The following C7 variants were observed in gnomAD, a reference collection of about 807,000 sequenced individuals.
C7 encodes complement C7.
Under a neutral mutation model 104.8 loss-of-function variants are expected in C7, and 83 were observed. The ratio of observed to expected loss-of-function variants is 0.79; its 90% CI spans 0.66 to 0.95. C7 has a LOEUF of 0.95. Among genes scored for constraint, C7 ranks in the 40% least tolerant of loss-of-function variants. The pLI is 0.00. For synonymous variants in C7, 415 were observed against 360.6 expected, an observed-to-expected ratio of 1.15 and a Z score of -1.71; for missense variants, 1,070 against 1,011.2, an observed-to-expected ratio of 1.06 and a Z score of -0.79.
intron 6 of C7, among the ~76,000 whole-genome samples, chr5:40,941,126 T>C (rs1350535889): frequency 1.3e-5 from 2 of 151,026 alleles, no homozygotes; most frequent in Non-Finnish European, 3.0e-5. Context: ...TGCAGTCGTG[T>C]GATCTCGGCT....
chr5:40,972,468 A>G lies in C7; in HGVS notation c.1948A>G (p.Thr650Ala), dbSNP rs1740721165. The G allele has an allele frequency of 6.2e-7, 1 of 1,613,794 alleles. No individual in the cohort carries two copies. The change falls in exon 15 of 18, where the codon ACA (threonine) becomes GCA (alanine). Residue 650 changes from threonine (T) to alanine (A), a missense_variant. Physicochemically the swap from Thr to Ala is moderately conservative, Grantham distance 58. Coordinates refer to ENST00000313164, the MANE Select transcript of C7 (RefSeq NM_000587.4). The stretch of plus-strand genomic sequence containing the variant: ...GAGTCACCCCCAAAAACCTTTCTAC[A>G]CAGTTGGTGAGAAGGTGACTGTTTC... Reference protein sequence around the residue: ...IQSHPQKPFYTVGEKVTVSCS... With the variant: ...IQSHPQKPFYAVGEKVTVSCS...
intron 3 of C7, among the ~76,000 whole-genome samples, chr5:40,933,953 T>TC (rs1005885179): frequency 3.3e-5 from 5 of 151,520 alleles, no homozygotes; most frequent in Non-Finnish European, 1.5e-5. Context: ...TTTTTTTTTT[T>TC]GAGACGGTGT....
intron 6 of C7, among the ~76,000 whole-genome samples, chr5:40,944,794 G>A (rs929614908): frequency 4.6e-5 from 7 of 152,166 alleles, no homozygotes; most frequent in African/African-American, 1.7e-4. Flanking sequence ...GTCCAAAAGA[G>A]CTAATTGTTT....
intron 1 of C7, among the ~76,000 whole-genome samples, chr5:40,923,814 A>G (rs929708182): frequency 2.0e-5 from 3 of 151,834 alleles, no homozygotes; most frequent in African/African-American, 7.3e-5. Context: ...TCTTAATGAG[A>G]CTCACTATTG....
rs549535402 is a variant in C7 at position 40,961,860 on chromosome 5, C to T, written c.1662-225C>T. On this transcript the variant is annotated intron_variant, in intron 12 of 17. Coordinates refer to ENST00000313164, the MANE Select transcript of C7 (RefSeq NM_000587.4). ...TCTGTTTGTTTTTCATACTACTGAC[C>T]TAGCAGCTATTTAAATCACTGTCTT... is the stretch of plus-strand genomic sequence containing the variant. Among the ~76,000 whole-genome samples the T allele has an allele frequency of 7.2e-5, 11 of 152,170 alleles. No individual in the cohort carries two copies. In the East Asian group the frequency reaches 1.7e-3, roughly 24 times the overall value.
chr5:40,909,573 T>C lies in C7; in HGVS notation c.-38T>C. 1 of 1,551,360 alleles carries C rather than the reference T, an allele frequency of 6.4e-7. No homozygotes were observed. Among genetic ancestry groups the C allele is most frequent in the Non-Finnish European group, 8.8e-7 (1 of 1,135,004 alleles). On this transcript the variant is annotated 5_prime_UTR_variant, in exon 1 of 18. Transcript: ENST00000313164. ...ACTTACCCGGCCCTTACAGAGGAAA[T>C]CTTCCTCCTCTCTTCTGCCCTGAAT... is the stretch of plus-strand genomic sequence containing the variant.
intron 6 of C7, among the ~76,000 whole-genome samples, chr5:40,944,690 C>T (rs960625889): frequency 4.6e-5 from 7 of 151,972 alleles, no homozygotes; most frequent in African/African-American, 1.7e-4. Context: ...TTCTATCTAG[C>T]AAAGAAAAAA....
At chr5:40,937,842 A>C (rs1200799475) in intron 6 of C7, among the ~76,000 whole-genome samples, 152 bp downstream of exon 6, 1 of 152,184 alleles carries the variant, frequency 6.6e-6, no homozygotes, top group African/African-American at 2.4e-5. Flanking sequence ...AAGTATACAC[A>C]GTGTTTTTGC....
intron 11 of C7, among the ~76,000 whole-genome samples, chr5:40,959,015 G>A (rs1284787161): frequency 6.6e-6 from 1 of 152,116 alleles, no homozygotes; most frequent in African/African-American, 2.4e-5. Context: ...CAAGTGGCCT[G>A]TTCTGGTAAT....
In C7 at chr5:40,949,996, G is replaced by A. The variant is rs371469026; in HGVS notation, c.1075G>A (p.Ala359Thr). 4.9e-5 allele frequency: 78 copies of A among 1,587,866 alleles called. No individual in the cohort carries two copies. The highest frequency in any genetic ancestry group is 2.0e-4 in the African/African-American group (15 of 74,318). Residue 359 changes from alanine (A) to threonine (T), a missense_variant, in exon 9 of 18, where the codon GCT (alanine) becomes ACT (threonine). Transcript: ENST00000313164. ...TCATGGATGCAAGGAACTGGAAAAC[G>A]CTTTAAAAGCTGCTTCAGGTAAATG... ...SSHGCKELEN[A>T]LKAASGTQNN... is the part of the protein sequence containing the mutation.
intron 15 of C7, 73 bp downstream of exon 15, chr5:40,972,667 G>T (rs34641824): frequency 8.2e-7 from 1 of 1,224,870 alleles, no homozygotes; most frequent in Non-Finnish European, 1.2e-6. Context: ...GACCTTCATG[G>T]TACTGTATCA....
chr5:40,979,868 A>C lies in C7; in HGVS notation c.2309A>C (p.Glu770Ala), dbSNP rs370729134. 144 of 1,606,394 alleles carry C rather than the reference A, an allele frequency of 9.0e-5. No homozygotes were observed. The African/African-American group carries it at 1.7e-3, about 19-fold the overall frequency. The change falls in exon 17 of 18, where the codon GAG (glutamate) becomes GCG (alanine). Residue 770 changes from glutamate (E) to alanine (A), a missense_variant. Glu to Ala is a moderately radical substitution (Grantham distance 107). Transcript: ENST00000313164. ...AGCTGTACTCTGCCTGCCTCAGCTG[A>C]GAAAGCTTGTGGTGCCTGCCCACTG... The part of the protein sequence containing the change: ...RDSCTLPASA[E>A]KACGACPLWG...
At chr5:40,932,524 A>G (rs1220671990) in intron 3 of C7, among the ~76,000 whole-genome samples, 1 of 152,196 alleles carries the variant, frequency 6.6e-6, no homozygotes, top group Non-Finnish European at 1.5e-5. Context: ...CATACCATAG[A>G]AGATAATTAT....
At chr5:40,950,363 T>C (rs1039057926) in intron 9 of C7, among the ~76,000 whole-genome samples, 4 of 152,198 alleles carry the variant, frequency 2.6e-5, no homozygotes, top group African/African-American at 9.7e-5. Context: ...TCCATCCATG[T>C]CCCTGCAAAG....
At chr5:40,981,290 C>A (rs1271605214) in intron 17 of C7, 102 bp from the exon 18 acceptor site, 4 of 1,123,850 alleles carry the variant, frequency 3.6e-6, no homozygotes, top group East Asian at 2.6e-5. Flanking sequence ...CAGGCAGGAG[C>A]TTCTACAGCT....
Position 40,958,253 on chromosome 5 carries a change from A to C in C7, c.1481A>C (p.Asn494Thr). Residue 494 changes from asparagine to threonine, a missense_variant, in exon 11 of 18, where the codon AAT becomes ACT. Coordinates refer to ENST00000313164, the MANE Select transcript of C7 (RefSeq NM_000587.4). ...AACEQGVLVG[N>T]QAGGVDGGWS... is the part of the protein sequence containing the mutation. ...TGTGAGCAAGGAGTCCTCGTAGGGA[A>C]TCAAGCAGGTCAGTGGGGTGAATTT... The C allele has an allele frequency of 6.2e-7, 1 of 1,600,594 alleles. No homozygotes were observed. Among genetic ancestry groups the C allele is most frequent in the Non-Finnish European group, 8.5e-7 (1 of 1,172,124 alleles).
chr5:40,958,626 A>G (rs960010718), intron 11 of C7, among the ~76,000 whole-genome samples: 4 of 152,192 alleles, frequency 2.6e-5, no homozygotes, highest in African/African-American at 9.7e-5. Context: ...ATGCTCTTTG[A>G]AACATTTCTA....
At chr5:40,952,099 G>C (rs1180898942) in intron 9 of C7, among the ~76,000 whole-genome samples, 1 of 152,232 alleles carries the variant, frequency 6.6e-6, no homozygotes, top group Non-Finnish European at 1.5e-5. Context: ...AGTTGGGCTG[G>C]CAGTTGGAAG....
At chr5:40,965,663 A>G (rs1456737219) in intron 14 of C7, among the ~76,000 whole-genome samples, 2 of 107,314 alleles carry the variant, frequency 1.9e-5, no homozygotes, top group African/African-American at 3.7e-5. Context: ...TTTTTTGGAG[A>G]CAGAGTCTCA....
Sources: allele counts gnomAD v4.1 joint callset (sites outside exome capture counted in the v4.1 genomes callset), GRCh38; gene constraint gnomAD v4.1.1; transcripts MANE v1.5; gene names NCBI Gene and HGNC (gene_info 2026-07-23, HGNC 2026-07-21).